Variants in SYNPR observed in about 807,000 individuals in gnomAD.
The protein encoded by SYNPR is synaptoporin.
A neutral mutation model predicts 32.9 loss-of-function variants in SYNPR; 23 were observed. The ratio of observed to expected loss-of-function variants is 0.70; its 90% CI spans 0.50 to 0.99. SYNPR has a LOEUF of 0.99. SYNPR is among the 50% of genes least tolerant of loss of function. The pLI is 0.00. For synonymous variants in SYNPR, 146 were observed against 135.9 expected, an observed-to-expected ratio of 1.07 and a Z score of -0.52; for missense variants, 318 against 349.3, an observed-to-expected ratio of 0.91 and a Z score of 0.71.
At chr3:63,589,358 G>T (rs1051404207) in intron 4 of SYNPR, among the ~76,000 whole-genome samples, 3 of 152,040 alleles carry the variant, frequency 2.0e-5, no homozygotes, top group Non-Finnish European at 4.4e-5. Context: ...TTGATTAACA[G>T]CTCTCTCTTC....
chr3:63,359,723 C>G (rs1575609705), intron 2 of SYNPR, among the ~76,000 whole-genome samples: 1 of 152,180 alleles, frequency 6.6e-6, no homozygotes, highest in East Asian at 1.9e-4. Context: ...GATCTGGCCT[C>G]AAGTCCCAGC....
chr3:63,388,379 CTTTTTTTTTTTTT>C (rs144044254), intron 2 of SYNPR, among the ~76,000 whole-genome samples: 1 of 83,596 alleles, frequency 1.2e-5, no homozygotes, highest in Non-Finnish European at 2.2e-5. Context: ...GTTTGGAGCT[CTTTTTTTTTTTTT>C]TTTTTTTTTT....
At chr3:63,564,512 G>A (rs886152912) in intron 4 of SYNPR, among the ~76,000 whole-genome samples, 1 of 152,034 alleles carries the variant, frequency 6.6e-6, no homozygotes, top group Non-Finnish European at 1.5e-5. Context: ...GTGTGTGTGT[G>A]TGTGTCTCAC....
chr3:63,390,255 G>T (rs2088114045), intron 2 of SYNPR, among the ~76,000 whole-genome samples: 1 of 152,044 alleles, frequency 6.6e-6, no homozygotes, highest in Admixed American at 6.6e-5. Context: ...ATTCTTCAGG[G>T]TACATTTAGC....
At chr3:63,317,194 G>A (rs560444606) in intron 2 of SYNPR, among the ~76,000 whole-genome samples, 57 of 152,070 alleles carry the variant, frequency 3.7e-4, no homozygotes, top group Admixed American at 1.2e-3. Flanking sequence ...CTGTTGAATA[G>A]AATGTGTATT....
intron 2 of SYNPR, among the ~76,000 whole-genome samples, chr3:63,374,501 G>T (rs963592233): frequency 6.6e-6 from 1 of 152,024 alleles, no homozygotes; most frequent in Non-Finnish European, 1.5e-5. Flanking sequence ...TATTATCTGG[G>T]TGATTAAATA....
chr3:63,479,409 A>G (rs1290758519), intron 2 of SYNPR, among the ~76,000 whole-genome samples: 1 of 150,780 alleles, frequency 6.6e-6, no homozygotes, highest in Admixed American at 6.7e-5. Context: ...AAAAATACAG[A>G]TTTTAAAAAC....
chr3:63,280,798 T>C (rs563813409), intron 2 of SYNPR, among the ~76,000 whole-genome samples: 1 of 150,846 alleles, frequency 6.6e-6, no homozygotes, highest in Non-Finnish European at 1.5e-5. Flanking sequence ...TAAAGGTTAC[T>C]AAGTTACTAC....
At chr3:63,235,664 C>T (rs1443226421) in intron 1 of SYNPR, among the ~76,000 whole-genome samples, 1 of 152,094 alleles carries the variant, frequency 6.6e-6, no homozygotes, top group South Asian at 2.1e-4. Context: ...TCTCTCCTTC[C>T]CCCATGGACT....
intron 2 of SYNPR, among the ~76,000 whole-genome samples, chr3:63,453,158 G>T (rs1380001611): frequency 6.6e-6 from 1 of 152,140 alleles, no homozygotes; most frequent in African/African-American, 2.4e-5. Flanking sequence ...GAGAAGCTCA[G>T]ATCTAGCACA....
chr3:63,571,013 G>T (rs1027584711), intron 4 of SYNPR, among the ~76,000 whole-genome samples: 3 of 152,072 alleles, frequency 2.0e-5, no homozygotes, highest in South Asian at 2.1e-4. Context: ...CAACATCTGG[G>T]TCTATAATAT....
intron 2 of SYNPR, among the ~76,000 whole-genome samples, chr3:63,474,283 G>T (rs777104392): frequency 6.6e-6 from 1 of 152,164 alleles, no homozygotes; most frequent in Non-Finnish European, 1.5e-5. Context: ...CCAAGCACAC[G>T]TATGCTAGCT....
At chr3:63,211,778 A>G in the SYNPR span, among the ~76,000 whole-genome samples, 1 of 144,548 alleles carries the variant, frequency 6.9e-6, no homozygotes, top group African/African-American at 2.6e-5. Flanking sequence ...TTACATATGT[A>G]TACATGTGCC....
chr3:63,562,060 A>T (rs1173066341), intron 4 of SYNPR, among the ~76,000 whole-genome samples: 1 of 152,210 alleles, frequency 6.6e-6, no homozygotes, highest in Non-Finnish European at 1.5e-5. Flanking sequence ...CAGATAAATA[A>T]ATATCAGCTC....
intron 2 of SYNPR, among the ~76,000 whole-genome samples, chr3:63,371,789 C>A (rs191322854): frequency 1.3e-5 from 2 of 152,224 alleles, no homozygotes; most frequent in Non-Finnish European, 2.9e-5. Flanking sequence ...ACACTTTAGT[C>A]GGAGGCGGTT....
At chr3:63,345,444 T>A (rs1445322703) in intron 2 of SYNPR, among the ~76,000 whole-genome samples, 3 of 152,146 alleles carry the variant, frequency 2.0e-5, no homozygotes, top group African/African-American at 4.8e-5. Context: ...GCTGTCTCCA[T>A]CCCTGGGCCT....
the SYNPR span, among the ~76,000 whole-genome samples, chr3:63,204,153 G>T: frequency 6.6e-6 from 1 of 152,004 alleles, no homozygotes; most frequent in Admixed American, 6.6e-5. Context: ...ACTTTCCTGG[G>T]GCTACTATAA....
chr3:63,347,891 G>C (rs987395196), intron 2 of SYNPR, among the ~76,000 whole-genome samples: 1 of 148,388 alleles, frequency 6.7e-6, no homozygotes, highest in Non-Finnish European at 1.5e-5. Context: ...GTGTGTGTGT[G>C]TGTGTGTGTG....
At chr3:63,500,870 T>C (rs1701464173) in intron 3 of SYNPR, among the ~76,000 whole-genome samples, 1 of 152,178 alleles carries the variant, frequency 6.6e-6, no homozygotes, top group African/African-American at 2.4e-5. Context: ...TACATTATAG[T>C]ACATAGTGTG....
Sources: gnomAD v4.1 joint callset for allele counts (sites outside exome capture counted in the v4.1 genomes callset) on GRCh38, gnomAD v4.1.1 for gene constraint, MANE v1.5 for transcripts, NCBI Gene and HGNC (gene_info 2026-07-23, HGNC 2026-07-21) for gene names.